The following ERC2 variants were observed in gnomAD, a reference collection of about 807,000 sequenced individuals.
The protein encoded by ERC2 is ELKS/RAB6-interacting/CAST family member 2.
ERC2 carries 42 observed loss-of-function variants against 114.8 expected under a neutral mutation model. The observed-to-expected ratio is 0.37, with a 90% CI of 0.29 to 0.47. The LOEUF (loss-of-function observed/expected upper bound fraction) is 0.47, where lower values mean the gene tolerates loss of function less well. Ranked by LOEUF, ERC2 falls within the 20% of genes least tolerant of loss-of-function variation. The probability of loss-of-function intolerance (pLI) is 0.99; values close to 1 mark genes in which losing one functional copy is unlikely to be tolerated. For missense variants in ERC2, 939 were observed against 1,150.7 expected (o/e 0.82, Z 2.66); for synonymous variants, 454 against 425.5 (o/e 1.07, Z -0.82).
intron 7 of ERC2, among the ~76,000 whole-genome samples, chr3:56,024,448 C>A: frequency 6.6e-6 from 1 of 152,150 alleles, no homozygotes; most frequent in South Asian, 2.1e-4. Context: ...TCAACTGACC[C>A]CCGGACAACA....
At chr3:55,664,440 T>A (rs2061271573) in intron 17 of ERC2, among the ~76,000 whole-genome samples, 1 of 152,158 alleles carries the variant, frequency 6.6e-6, no homozygotes, top group Admixed American at 6.5e-5. Flanking sequence ...AATGCGCACA[T>A]TTTTCAACCT....
chr3:55,548,580 T>C (rs2054921890), intron 17 of ERC2, among the ~76,000 whole-genome samples: 1 of 152,190 alleles, frequency 6.6e-6, no homozygotes, highest in Non-Finnish European at 1.5e-5. Context: ...GACATACGTG[T>C]GTCAGCAAGG....
At chr3:55,647,011 T>G (rs1038506493) in intron 17 of ERC2, 11 of 152,102 alleles carry the variant, frequency 7.2e-5, no homozygotes, top group Non-Finnish European at 1.5e-4. Flanking sequence ...CTCAGACGCA[T>G]GCACAAAGAA....
At chr3:55,839,557 A>G (rs944954074) in intron 14 of ERC2, among the ~76,000 whole-genome samples, 40 of 151,934 alleles carry the variant, frequency 2.6e-4, no homozygotes, top group African/African-American at 8.5e-4. Flanking sequence ...CAAAAGACAG[A>G]AAGAAAAAAA....
chr3:56,146,013 G>A (rs1043843651), intron 5 of ERC2, among the ~76,000 whole-genome samples: 2 of 152,168 alleles, frequency 1.3e-5, no homozygotes, highest in African/African-American at 2.4e-5. Flanking sequence ...TGGGCTGGGT[G>A]TGGTGGCTCA....
intron 2 of ERC2, among the ~76,000 whole-genome samples, chr3:56,383,874 C>G (rs1255308859): frequency 6.6e-6 from 1 of 152,118 alleles, no homozygotes; most frequent in Non-Finnish European, 1.5e-5. Flanking sequence ...CCCTCCAGCC[C>G]CTGGCAACCA....
intron 17 of ERC2, among the ~76,000 whole-genome samples, chr3:55,640,844 G>A (rs1038065345): frequency 2.6e-5 from 4 of 152,104 alleles, no homozygotes; most frequent in Non-Finnish European, 2.9e-5. Flanking sequence ...ATTTATTTTT[G>A]TAACAGTACT....
chr3:55,833,404 G>T (rs1298182854), intron 14 of ERC2, among the ~76,000 whole-genome samples: 13 of 151,726 alleles, frequency 8.6e-5, no homozygotes, highest in African/African-American at 2.4e-4. Context: ...GACTAACAGC[G>T]GATCTCTCGG....
At chr3:55,534,674 C>T (rs2053881897) in intron 17 of ERC2, among the ~76,000 whole-genome samples, 1 of 152,112 alleles carries the variant, frequency 6.6e-6, no homozygotes, top group Non-Finnish European at 1.5e-5. Context: ...CCAGCCTGGG[C>T]AACAGACCTC....
At chr3:56,307,610 G>A (rs1404490836) in intron 2 of ERC2, among the ~76,000 whole-genome samples, 2 of 152,190 alleles carry the variant, frequency 1.3e-5, no homozygotes, top group Non-Finnish European at 2.9e-5. Context: ...AAAATGCCAA[G>A]ACCATTAACC....
At chr3:55,564,734 AAG>A (rs2056254678) in intron 17 of ERC2, among the ~76,000 whole-genome samples, 1 of 152,240 alleles carries the variant, frequency 6.6e-6, no homozygotes, top group Non-Finnish European at 1.5e-5. Context: ...TGTCCACAGA[AAG>A]ACCCTCCCTC....
chr3:56,413,503 G>T (rs1287468767), intron 2 of ERC2, among the ~76,000 whole-genome samples: 1 of 152,084 alleles, frequency 6.6e-6, no homozygotes, highest in African/African-American at 2.4e-5. Flanking sequence ...TGCATGGAAG[G>T]ACACTGAGCC....
At chr3:56,119,090 G>A (rs1375258013) in intron 6 of ERC2, among the ~76,000 whole-genome samples, 1 of 152,146 alleles carries the variant, frequency 6.6e-6, no homozygotes, top group East Asian at 1.9e-4. Flanking sequence ...GTTATGAATG[G>A]GCATGGATAT....
At chr3:55,802,736 T>C (rs1408024232) in intron 14 of ERC2, among the ~76,000 whole-genome samples, 1 of 152,210 alleles carries the variant, frequency 6.6e-6, no homozygotes, top group Non-Finnish European at 1.5e-5. Context: ...AAGTTAGTTG[T>C]TAAGGAAATC....
intron 13 of ERC2, among the ~76,000 whole-genome samples, chr3:55,935,338 G>C (rs1029401377): frequency 6.6e-6 from 1 of 152,174 alleles, no homozygotes; most frequent in African/African-American, 2.4e-5. Flanking sequence ...ACATTCATTT[G>C]AAATGTGAGT....
At chr3:56,017,977 G>T (rs533754498) in intron 8 of ERC2, among the ~76,000 whole-genome samples, 61 of 152,252 alleles carry the variant, frequency 4.0e-4, no homozygotes, top group African/African-American at 1.4e-3. Context: ...TGTTTCTTGG[G>T]TTTGGAGTCT....
chr3:55,664,876 C>T (rs1315892568), intron 17 of ERC2, among the ~76,000 whole-genome samples: 2 of 152,166 alleles, frequency 1.3e-5, no homozygotes, highest in Admixed American at 1.3e-4. Context: ...AGTAGGTCTG[C>T]ATTTGATGGA....
chr3:56,062,513 A>C (rs2076285137), intron 7 of ERC2, among the ~76,000 whole-genome samples: 1 of 152,244 alleles, frequency 6.6e-6, no homozygotes, highest in Admixed American at 6.5e-5. Context: ...GGATTTGCAC[A>C]AACTCATGCT....
chr3:55,666,052 G>A (rs1201447885), intron 17 of ERC2, among the ~76,000 whole-genome samples: 2 of 152,184 alleles, frequency 1.3e-5, no homozygotes, highest in Non-Finnish European at 2.9e-5. Context: ...CCTTTCTCAT[G>A]TAGAACCTGT....
Sources: gnomAD v4.1 joint callset for allele counts (sites outside exome capture counted in the v4.1 genomes callset) on GRCh38, gnomAD v4.1.1 for gene constraint, MANE v1.5 for transcripts, NCBI Gene and HGNC (gene_info 2026-07-23, HGNC 2026-07-21) for gene names.